ZBTB20: variants seen among roughly 807,000 people sequenced by gnomAD.
The protein encoded by ZBTB20 is zinc finger and BTB domain containing 20.
ZBTB20 carries 9 observed loss-of-function variants against 56.9 expected under a neutral mutation model. The ratio of observed to expected loss-of-function variants is 0.16; its 90% CI spans 0.10 to 0.28. ZBTB20 has a LOEUF of 0.28. Among genes scored for constraint, ZBTB20 ranks in the 10% least tolerant of loss-of-function variants. The pLI, the probability that ZBTB20 is intolerant of heterozygous loss-of-function variation, is 1.00. For missense variants in ZBTB20, 655 were observed against 1,003.0 expected (o/e 0.65, Z 4.69); for synonymous variants, 417 against 420.7 (o/e 0.99, Z 0.11).
chr3:114,368,129 G>A (rs746651731), intron 10 of ZBTB20, among the ~76,000 whole-genome samples: 1 of 152,114 alleles, frequency 6.6e-6, no homozygotes, highest in Non-Finnish European at 1.5e-5. Flanking sequence ...TACATGTAGT[G>A]TTCCATCGAA....
In ZBTB20 at chr3:114,469,595, T is replaced by G. The variant is rs530706186; in HGVS notation, c.-255+30757A>C. 1.3e-5 allele frequency among the ~76,000 whole-genome samples: 2 copies of G among 152,340 alleles called. 1 individual carries two copies. The highest frequency in any genetic ancestry group is 4.8e-5 in the African/African-American group (2 of 41,586). ...GAGAAATCAGCCCAAGCCCAACATT[T>G]CTGTTCTTAACAGATTTTGGTTTTT... On this transcript the variant is annotated intron_variant, in intron 7 of 11. Transcript: ENST00000675478.
In ZBTB20 at chr3:114,365,567, C is replaced by T. The variant is rs115147113; in HGVS notation, c.200-13689G>A. 1.7e-3 allele frequency among the ~76,000 whole-genome samples: 260 copies of T among 152,184 alleles called. 2 individuals are homozygous for T. Among genetic ancestry groups the T allele is most frequent in the Middle Eastern group, 0.014 (4 of 294 alleles). On this transcript the variant is annotated intron_variant, in intron 10 of 11. Coordinates refer to ENST00000675478, the MANE Select transcript of ZBTB20 (RefSeq NM_001348800.3). Reference sequence around the variant, plus strand: ...AGACTGACAGTCACATGCTGTATTCCCTAGACAAAGATTAGACCCAGGAAA... The same window carrying T: ...AGACTGACAGTCACATGCTGTATTCTCTAGACAAAGATTAGACCCAGGAAA...
intron 1 of ZBTB20, among the ~76,000 whole-genome samples, chr3:115,108,059 C>A (rs961446098): frequency 6.6e-6 from 1 of 151,382 alleles, no homozygotes; most frequent in Admixed American, 6.6e-5. Context: ...ACCTAGATGA[C>A]GGGTTGATAG....
intron 1 of ZBTB20, among the ~76,000 whole-genome samples, chr3:115,139,124 T>C (rs78186673): frequency 0.037 from 5,620 of 152,106 alleles, 162 homozygotes; most frequent in Non-Finnish European, 0.058. Context: ...TAACAGACAG[T>C]ATATTTTGGC....
At chr3:114,364,036 T>C (rs1014803751) in intron 10 of ZBTB20, among the ~76,000 whole-genome samples, 1 of 147,708 alleles carries the variant, frequency 6.8e-6, no homozygotes, top group African/African-American at 2.5e-5. Context: ...AATTAGCTAA[T>C]CCTTTCCCAA....
intron 6 of ZBTB20, among the ~76,000 whole-genome samples, chr3:114,511,217 A>C (rs1196616296): frequency 2.3e-4 from 35 of 152,176 alleles, no homozygotes; most frequent in Admixed American, 2.3e-3. Context: ...CTCTGCTAAG[A>C]ATCTCATTGG....
rs1483196807 is a variant in ZBTB20, at chr3:114,844,366, T to C, written c.-416-43192A>G. Among the ~76,000 whole-genome samples the C allele has an allele frequency of 4.9e-5, 6 of 121,730 alleles. No individual in the cohort carries two copies. The South Asian group carries it at 1.3e-3, about 26-fold the overall frequency. 79.9% of individuals were successfully genotyped at this position (121,730 alleles called of 152,430 possible). On this transcript the variant is annotated intron_variant, in intron 4 of 11. Transcript: ENST00000675478. ...ATATATATATATATATATATATATA[T>C]ATATATTAGCTGAGAGTGGTGGTGC...
chr3:114,614,396 G>A (rs2057773599), intron 6 of ZBTB20, among the ~76,000 whole-genome samples: 1 of 152,122 alleles, frequency 6.6e-6, no homozygotes. Flanking sequence ...CAATGGAAAA[G>A]GTAATATGGA....
At chr3:114,453,620 G>T (rs953402371) in intron 7 of ZBTB20, 8 of 152,072 alleles carry the variant, frequency 5.3e-5, no homozygotes, top group Non-Finnish European at 8.8e-5. Flanking sequence ...AAGAGAAGAT[G>T]CATCCTGAAC....
chr3:114,393,821 A>C (rs2718432), intron 7 of ZBTB20, among the ~76,000 whole-genome samples: 1 of 152,184 alleles, frequency 6.6e-6, no homozygotes, highest in Admixed American at 6.5e-5. Context: ...CTTGGAACCC[A>C]GCTGGCAAGT....
At chr3:114,591,765 T>C (rs1218342459) in intron 6 of ZBTB20, among the ~76,000 whole-genome samples, 1 of 152,240 alleles carries the variant, frequency 6.6e-6, no homozygotes, top group Admixed American at 6.5e-5. Flanking sequence ...TTACTGAGTG[T>C]TCATTTCAGT....
intron 6 of ZBTB20, among the ~76,000 whole-genome samples, chr3:114,558,103 T>G (rs1419498500): frequency 6.6e-6 from 1 of 152,046 alleles, no homozygotes; most frequent in Non-Finnish European, 1.5e-5. Context: ...ATTTCCACCA[T>G]TCAGTGTAGT....
intron 4 of ZBTB20, among the ~76,000 whole-genome samples, chr3:114,849,478 A>C (rs2074887326): frequency 6.6e-6 from 1 of 152,212 alleles, no homozygotes; most frequent in South Asian, 2.1e-4. Context: ...ACCAATGAGA[A>C]TAAAGGCATA....
chr3:114,976,956 T>C (rs532528637), intron 2 of ZBTB20, among the ~76,000 whole-genome samples: 4 of 152,174 alleles, frequency 2.6e-5, no homozygotes, highest in African/African-American at 7.2e-5. Flanking sequence ...TTCGTATACC[T>C]GAATCAATCA....
chr3:114,732,184 G>A (rs2065811083), intron 5 of ZBTB20, among the ~76,000 whole-genome samples: 1 of 152,116 alleles, frequency 6.6e-6, no homozygotes, highest in Admixed American at 6.5e-5. Flanking sequence ...TATACTTTCT[G>A]TAAATCAGAA....
chr3:114,653,243 T>A (rs147987570), intron 6 of ZBTB20, among the ~76,000 whole-genome samples: 14 of 151,818 alleles, frequency 9.2e-5, no homozygotes, highest in African/African-American at 2.9e-4. Flanking sequence ...TCAGATTTTA[T>A]CATTAAGGAC....
chr3:114,992,295 T>C (rs928265094), intron 2 of ZBTB20, among the ~76,000 whole-genome samples: 1 of 152,024 alleles, frequency 6.6e-6, no homozygotes, highest in African/African-American at 2.4e-5. Flanking sequence ...ATCATATACA[T>C]ACTATGCACT....
At chr3:114,871,032 T>G (rs990660335) in intron 4 of ZBTB20, among the ~76,000 whole-genome samples, 10 of 140,022 alleles carry the variant, frequency 7.1e-5, no homozygotes, top group Non-Finnish European at 1.6e-4. Flanking sequence ...ATGAAGAGAG[T>G]TCTTAGAAGA....
intron 4 of ZBTB20, among the ~76,000 whole-genome samples, chr3:114,876,821 AC>A (rs1576196796): frequency 6.6e-6 from 1 of 152,148 alleles, no homozygotes; most frequent in Non-Finnish European, 1.5e-5. Flanking sequence ...CCTCCAAGAA[AC>A]CACCTATGAT....
Sources: allele counts gnomAD v4.1 joint callset (sites outside exome capture counted in the v4.1 genomes callset), GRCh38; gene constraint gnomAD v4.1.1; transcripts MANE v1.5; gene names NCBI Gene and HGNC (gene_info 2026-07-23, HGNC 2026-07-21).